The following KSR2 variants were observed in gnomAD, a reference collection of about 807,000 sequenced individuals.
KSR2 encodes the protein kinase suppressor of ras 2.
Under a neutral mutation model 107.8 loss-of-function variants are expected in KSR2, and 25 were observed. The ratio of observed to expected loss-of-function variants is 0.23; its 90% CI spans 0.17 to 0.32. The LOEUF (loss-of-function observed/expected upper bound fraction) is 0.32, where lower values mean the gene tolerates loss of function less well. Among genes scored for constraint, KSR2 ranks in the 10% least tolerant of loss-of-function variants. The probability of loss-of-function intolerance (pLI) is 1.00; values close to 1 mark genes in which losing one functional copy is unlikely to be tolerated. For missense variants in KSR2, 887 were observed against 1,268.9 expected (o/e 0.70, Z 4.57); for synonymous variants, 480 against 507.0 (o/e 0.95, Z 0.71).
intron 7 of KSR2, among the ~76,000 whole-genome samples, chr12:117,575,873 C>G (rs1290966790): frequency 6.6e-6 from 1 of 152,204 alleles, no homozygotes; most frequent in African/African-American, 2.4e-5. Context: ...CTGTGGTGGG[C>G]ACTAATGTCA....
Position 117,960,286 on chromosome 12 carries a change from C to G in KSR2, c.180+7790G>C, listed in dbSNP as rs553360328. On this transcript the variant is annotated intron_variant, in intron 1 of 19. Transcript: ENST00000339824. ...TTTTCATGGCTGTGGTATATTGTGA[C>G]ATTAGATTGTTCATTAGCCCCTCAA... 4.6e-5 allele frequency among the ~76,000 whole-genome samples: 7 copies of G among 152,236 alleles called. No homozygotes were observed. The South Asian group carries it at 1.4e-3, about 32-fold the overall frequency.
At chr12:117,603,457 T>TC (rs1458978381) in intron 5 of KSR2, among the ~76,000 whole-genome samples, 1 of 152,218 alleles carries the variant, frequency 6.6e-6, no homozygotes, top group African/African-American at 2.4e-5. Flanking sequence ...GAAAAGGTTT[T>TC]CAGAGTTGAT....
At chr12:117,948,635 A>G (rs1447509965) in intron 1 of KSR2, among the ~76,000 whole-genome samples, 1 of 152,234 alleles carries the variant, frequency 6.6e-6, no homozygotes, top group East Asian at 1.9e-4. Context: ...AAAGGTGTAA[A>G]GGCAATTCAG....
At chr12:117,853,221 G>C (rs1035104660) in intron 3 of KSR2, among the ~76,000 whole-genome samples, 1 of 152,144 alleles carries the variant, frequency 6.6e-6, no homozygotes, top group African/African-American at 2.4e-5. Context: ...GCTTATGATA[G>C]GAAAAATATG....
At position 117,761,332 on chromosome 12, in the gene KSR2, G is replaced by C; in HGVS notation, c.665C>G (p.Thr222Ser). Residue 222 changes from threonine (T) to serine (S), a missense_variant, in exon 4 of 20, where the codon ACC (threonine) becomes AGC (serine). Around this residue, in one of 8 missense-constraint regions of KSR2, gnomAD observed 399 missense variants for 479.5 expected, o/e 0.83. Coordinates refer to ENST00000339824, the MANE Select transcript of KSR2 (RefSeq NM_173598.6). ...TSPTPGAPVY[T>S]HVDRLTVDAY... ...GTCCACGGTAAGCCTGTCCACGTGG[G>C]TGTACACAGGGGCCCCGGGAGTGGG... is the stretch of plus-strand genomic sequence containing the variant. 1.9e-6 allele frequency: 3 copies of C among 1,570,728 alleles called. No homozygotes were observed. The highest frequency in any genetic ancestry group is 2.6e-6 in the Non-Finnish European group (3 of 1,163,844).
At chr12:117,728,604 T>C (rs1424375001) in intron 4 of KSR2, among the ~76,000 whole-genome samples, 3 of 152,196 alleles carry the variant, frequency 2.0e-5, no homozygotes, top group Non-Finnish European at 1.5e-5. Flanking sequence ...CTCAGAACTC[T>C]GTGTCTGGTG....
At chr12:117,926,482 A>T (rs1434046156) in intron 1 of KSR2, among the ~76,000 whole-genome samples, 2 of 152,366 alleles carry the variant, frequency 1.3e-5, no homozygotes, top group East Asian at 3.9e-4. Flanking sequence ...TCTGACTTGC[A>T]GATATCAGGG....
At chr12:117,852,482 G>A (rs572961556) in intron 3 of KSR2, among the ~76,000 whole-genome samples, 33 of 151,972 alleles carry the variant, frequency 2.2e-4, no homozygotes, top group African/African-American at 7.2e-4. Flanking sequence ...TCATGGTCTC[G>A]CACAGCCTAG....
chr12:117,825,065 C>T (rs1891693245), intron 3 of KSR2, among the ~76,000 whole-genome samples: 1 of 151,858 alleles, frequency 6.6e-6, no homozygotes, highest in South Asian at 2.1e-4. Flanking sequence ...ACCTGTAGTC[C>T]CAGCTACTCA....
intron 2 of KSR2, among the ~76,000 whole-genome samples, chr12:117,859,631 A>G (rs1373637923): frequency 6.6e-6 from 1 of 150,700 alleles, no homozygotes; most frequent in African/African-American, 2.4e-5. Flanking sequence ...TAATTTTTGT[A>G]TTTTTTGTAG....
intron 4 of KSR2, among the ~76,000 whole-genome samples, chr12:117,758,350 G>A (rs1002462490): frequency 3.9e-5 from 6 of 152,092 alleles, no homozygotes; most frequent in African/African-American, 1.4e-4. Context: ...TTATGTTTTA[G>A]TTTTTTTAAC....
At chr12:117,668,454 C>A (rs1354105231) in intron 4 of KSR2, among the ~76,000 whole-genome samples, 1 of 152,168 alleles carries the variant, frequency 6.6e-6, no homozygotes, top group African/African-American at 2.4e-5. Context: ...TGCCAGAGAT[C>A]AGAAGAGTGA....
intron 14 of KSR2, among the ~76,000 whole-genome samples, chr12:117,504,475 T>C (rs1873556898): frequency 6.6e-6 from 1 of 152,202 alleles, no homozygotes; most frequent in African/African-American, 2.4e-5. Context: ...CTAAAAGAAT[T>C]ATTTCCCAAT....
At chr12:117,761,830 T>C (rs976353500) in intron 3 of KSR2, among the ~76,000 whole-genome samples, 2 of 152,228 alleles carry the variant, frequency 1.3e-5, no homozygotes, top group African/African-American at 4.8e-5. Flanking sequence ...TGTTATGTTG[T>C]ATGCATGTTA....
chr12:117,792,680 C>T (rs1890296961), intron 3 of KSR2, among the ~76,000 whole-genome samples: 1 of 152,244 alleles, frequency 6.6e-6, no homozygotes. Context: ...ATCCTACTCC[C>T]TTTCCCTGTC....
intron 5 of KSR2, among the ~76,000 whole-genome samples, chr12:117,655,493 T>C (rs755275658): frequency 2.0e-5 from 3 of 152,120 alleles, no homozygotes; most frequent in Non-Finnish European, 4.4e-5. Context: ...GCATCCAATA[T>C]ATGGTACTCT....
Position 117,466,443 on chromosome 12 carries a change from T to G in KSR2, c.*756A>C, listed in dbSNP as rs1477433347. 1 of 152,164 alleles carries G rather than the reference T, an allele frequency of 6.6e-6. No individual in the cohort carries two copies. Among genetic ancestry groups the G allele is most frequent in the South Asian group, 2.1e-4 (1 of 4,818 alleles). 9.4% of individuals were successfully genotyped at this position (152,164 alleles called of 1,614,324 possible). A position where few individuals can be genotyped will look rare whatever the true frequency, so the allele number is the denominator to read the frequency against. On this transcript the variant is annotated 3_prime_UTR_variant, in exon 20 of 20. Transcript: ENST00000339824. Reference sequence around the variant, plus strand: ...GCAGTGAGGTGAAAAGGGATGCTACTCTCAGAGAACAGGAGAAAACAGCAG... The same window carrying G: ...GCAGTGAGGTGAAAAGGGATGCTACGCTCAGAGAACAGGAGAAAACAGCAG...
At chr12:117,793,997 T>G (rs1309177930) in intron 3 of KSR2, among the ~76,000 whole-genome samples, 1 of 82,468 alleles carries the variant, frequency 1.2e-5, no homozygotes, top group East Asian at 4.6e-4. Flanking sequence ...TACACCAACA[T>G]GCACACACAC....
intron 14 of KSR2, among the ~76,000 whole-genome samples, chr12:117,501,454 C>T (rs1008122732): frequency 3.9e-5 from 6 of 152,222 alleles, no homozygotes; most frequent in Non-Finnish European, 2.9e-5. Flanking sequence ...GTTAAGGTCA[C>T]GTGGATTTTC....
Sources: gnomAD v4.1 joint callset for allele counts (sites outside exome capture counted in the v4.1 genomes callset) on GRCh38, gnomAD v4.1.1 for gene constraint, gnomAD v4.1.1 regional missense constraint, MANE v1.5 for transcripts, NCBI Gene and HGNC (gene_info 2026-07-23, HGNC 2026-07-21) for gene names.